SYNPO2: variants seen among roughly 807,000 people sequenced by gnomAD.
SYNPO2 encodes the protein synaptopodin-2.
In SYNPO2, 56 loss-of-function variants were observed where a neutral mutation model predicts 85.0. The ratio of observed to expected loss-of-function variants is 0.66; its 90% confidence interval spans 0.53 to 0.82. The LOEUF (loss-of-function observed/expected upper bound fraction) is 0.82. Among genes scored for constraint, SYNPO2 ranks in the 40% least tolerant of loss-of-function variants. The pLI is 0.00. For missense variants in SYNPO2, 1,575 were observed against 1,534.2 expected (o/e 1.03, Z -0.44); for synonymous variants, 602 against 591.1 (o/e 1.02, Z -0.27).
chr4:118,977,410 C>T (rs1050912922), intron 1 of SYNPO2, among the ~76,000 whole-genome samples: 1 of 152,236 alleles, frequency 6.6e-6, no homozygotes. Context: ...CACGCAGCCC[C>T]GGTTCCCGCT....
intron 1 of SYNPO2, among the ~76,000 whole-genome samples, chr4:118,993,657 CT>C (rs1446987772): frequency 6.6e-6 from 1 of 152,184 alleles, no homozygotes; most frequent in Non-Finnish European, 1.5e-5. Context: ...GGTTTTCCCC[CT>C]ATATGACCTA....
At chr4:118,870,799 T>C (rs1292971001) in intron 1 of SYNPO2, among the ~76,000 whole-genome samples, 1 of 152,210 alleles carries the variant, frequency 6.6e-6, no homozygotes, top group Non-Finnish European at 1.5e-5. Flanking sequence ...TCTTAATACC[T>C]AGGTGGTGGG....
chr4:118,887,219 T>C (rs60919368), upstream of SYNPO2, among the ~76,000 whole-genome samples: 21,390 of 148,558 alleles, frequency 0.14, 1,781 homozygotes, highest in Non-Finnish European at 0.19. Flanking sequence ...TCTGATGGGA[T>C]GGTCAGGGCT....
intron 4 of SYNPO2, chr4:119,033,728 C>G (rs1738379337): frequency 1.0e-6 from 1 of 985,024 alleles, no homozygotes; most frequent in Non-Finnish European, 1.2e-6. Flanking sequence ...TTACTGTCTC[C>G]TTTATCTGTT....
intron 4 of SYNPO2, 46 bp from the exon 5 acceptor site, chr4:119,057,355 A>G: frequency 6.6e-7 from 1 of 1,519,118 alleles, no homozygotes; most frequent in Non-Finnish European, 8.8e-7. Flanking sequence ...AACAATCAGC[A>G]CAAACCAAAA....
chr4:118,900,741 GTCTATCTATCTATCTATCTA>G lies in SYNPO2; in HGVS notation c.105+11626_105+11645del, dbSNP rs200026031. 9.0e-3 allele frequency among the ~76,000 whole-genome samples: 778 copies of G among 86,272 alleles called. 11 individuals are homozygous for G. The highest frequency in any genetic ancestry group is 0.029 in the African/African-American group (707 of 24,184). 56.6% of individuals were successfully genotyped at this position (86,272 alleles called of 152,430 possible). On this transcript the variant is annotated intron_variant, in intron 1 of 4. Coordinates refer to ENST00000307142, the MANE Select transcript of SYNPO2 (RefSeq NM_133477.3). The stretch of plus-strand genomic sequence containing the variant: ...TATATATATATATATATGTCTGTCT[GTCTATCTATCTATCTATCTA>G]TCTATCTATCTATCTATCTATCTAT...
intron 4 of SYNPO2, chr4:119,034,453 TTGA>T (rs1738415534): frequency 1.0e-6 from 1 of 985,250 alleles, no homozygotes; most frequent in South Asian, 4.7e-5. Flanking sequence ...CTATTTGGAG[TTGA>T]TAACTAAAGA....
chr4:118,856,665 C>T (rs1731511998), intron 1 of SYNPO2, among the ~76,000 whole-genome samples: 1 of 152,058 alleles, frequency 6.6e-6, no homozygotes, highest in African/African-American at 2.4e-5. Context: ...AGGCACATAT[C>T]ATCACACTTG....
At chr4:118,934,808 A>G (rs1019482259) in intron 1 of SYNPO2, among the ~76,000 whole-genome samples, 1 of 152,182 alleles carries the variant, frequency 6.6e-6, no homozygotes, top group African/African-American at 2.4e-5. Flanking sequence ...CCAATGAACC[A>G]GCTACTACCT....
chr4:118,927,910 CTG>C (rs1205857377), intron 1 of SYNPO2, among the ~76,000 whole-genome samples: 1 of 152,046 alleles, frequency 6.6e-6, no homozygotes, highest in Non-Finnish European at 1.5e-5. Context: ...GGTCAGGAAA[CTG>C]TGTTGATCTA....
In SYNPO2 at chr4:119,032,591, C is replaced by T. The variant is rs149963867; in HGVS notation, c.3252+564C>T. On this transcript the variant is annotated intron_variant, in intron 4 of 4. Coordinates refer to ENST00000307142, the MANE Select transcript of SYNPO2 (RefSeq NM_133477.3). ...TGTTTGATATCACAGAGAAGATACT[C>T]GGAGGATTGTTGGAATGTATATAGT... The T allele has an allele frequency of 4.8e-5, 48 of 993,692 alleles. No homozygotes were observed. The East Asian group carries it at 1.2e-3, about 24-fold the overall frequency. 61.6% of individuals were successfully genotyped at this position (993,692 alleles called of 1,614,324 possible). A position where few individuals can be genotyped will look rare whatever the true frequency, so the allele number is the denominator to read the frequency against.
intron 1 of SYNPO2, among the ~76,000 whole-genome samples, chr4:118,922,878 C>A (rs1439742715): frequency 6.6e-6 from 1 of 152,036 alleles, no homozygotes; most frequent in African/African-American, 2.4e-5. Flanking sequence ...AAAATAAAAT[C>A]TTTTTATTAG....
chr4:118,965,978 C>A (rs181142902), intron 1 of SYNPO2, among the ~76,000 whole-genome samples: 11 of 151,908 alleles, frequency 7.2e-5, no homozygotes, highest in African/African-American at 2.7e-4. Flanking sequence ...TTGCTTGAGC[C>A]CAGGAGGTTG....
chr4:118,888,103 A>G (rs1732239165), upstream of SYNPO2, among the ~76,000 whole-genome samples: 1 of 152,222 alleles, frequency 6.6e-6, no homozygotes, highest in African/African-American at 2.4e-5. Flanking sequence ...CCTGTAGGTG[A>G]CATTGTACAT....
At chr4:118,926,484 A>G (rs1043708120) in intron 1 of SYNPO2, among the ~76,000 whole-genome samples, 3 of 152,196 alleles carry the variant, frequency 2.0e-5, no homozygotes, top group African/African-American at 7.2e-5. Flanking sequence ...ATGATCAGTT[A>G]GAGGTAAGAA....
Position 119,031,832 on chromosome 4 carries a change from G to T in SYNPO2, c.3057G>T (p.Val1019=). The T allele has an allele frequency of 6.2e-7, 1 of 1,614,198 alleles. No homozygotes were observed. Among genetic ancestry groups the T allele is most frequent in the South Asian group, 1.1e-5 (1 of 91,088 alleles). The change falls in exon 4 of 5, where the codon GTG becomes GTT. Residue 1019 remains valine (V), a synonymous_variant. Transcript: ENST00000307142. ...RPVNAASPTN[V]QASSVYSVPA... ...TGAATGCTGCCTCACCTACGAATGT[G>T]CAGGCTTCGTCAGTGTACTCGGTAC...
chr4:118,879,110 G>A (rs1254002317), intron 1 of SYNPO2, among the ~76,000 whole-genome samples: 2 of 152,132 alleles, frequency 1.3e-5, no homozygotes, highest in East Asian at 1.9e-4. Context: ...AAGTGAACAA[G>A]ACCACAGAAC....
chr4:118,977,102 T>C (rs1204745417), intron 1 of SYNPO2, among the ~76,000 whole-genome samples: 10 of 151,818 alleles, frequency 6.6e-5, no homozygotes, highest in Admixed American at 1.3e-4. Context: ...GAGCAGGGGG[T>C]GGTGCTCGTC....
At chr4:118,931,303 C>A (rs1216044910) in intron 1 of SYNPO2, among the ~76,000 whole-genome samples, 1 of 151,768 alleles carries the variant, frequency 6.6e-6, no homozygotes, top group Non-Finnish European at 1.5e-5. Flanking sequence ...GGGATGAGAA[C>A]CTAGGTCTCT....
Sources: gnomAD v4.1 joint callset for allele counts (sites outside exome capture counted in the v4.1 genomes callset) on GRCh38, gnomAD v4.1.1 for gene constraint, MANE v1.5 for transcripts, NCBI Gene and HGNC (gene_info 2026-07-23, HGNC 2026-07-21) for gene names.